Variants in NR6A1 observed in about 807,000 individuals in gnomAD.
The protein encoded by NR6A1 is nuclear receptor subfamily 6 group A member 1.
Under a neutral mutation model 59.1 loss-of-function variants are expected in NR6A1, and 7 were observed. That is an observed-to-expected ratio of 0.12 (90% CI 0.07 to 0.22). NR6A1 has a LOEUF of 0.22. Ranked by LOEUF, NR6A1 falls within the 10% of genes least tolerant of loss-of-function variation. The pLI, the probability that NR6A1 is intolerant of heterozygous loss-of-function variation, is 1.00. For synonymous variants in NR6A1, 243 were observed against 236.1 expected (o/e 1.03, Z -0.27); for missense variants, 468 against 611.6 (o/e 0.77, Z 2.48).
intron 2 of NR6A1, among the ~76,000 whole-genome samples, chr9:124,732,703 T>G (rs1156821847): frequency 6.6e-6 from 1 of 152,174 alleles, no homozygotes; most frequent in Non-Finnish European, 1.5e-5. Flanking sequence ...ACGAATTTTT[T>G]TTTTTTTTTT....
intron 2 of NR6A1, among the ~76,000 whole-genome samples, chr9:124,590,221 A>AT (rs1000513765): frequency 1.6e-4 from 24 of 152,140 alleles, no homozygotes; most frequent in African/African-American, 5.8e-4. Flanking sequence ...CTCTCTCTAC[A>AT]TTTTTGCCAA....
At chr9:124,682,500 G>A (rs1182339929) in intron 2 of NR6A1, among the ~76,000 whole-genome samples, 1 of 152,064 alleles carries the variant, frequency 6.6e-6, no homozygotes, top group Admixed American at 6.5e-5. Context: ...CCTTTATGAA[G>A]TCAGACATTA....
At chr9:124,748,691 T>G (rs1840406376) in intron 1 of NR6A1, among the ~76,000 whole-genome samples, 1 of 151,200 alleles carries the variant, frequency 6.6e-6, no homozygotes, top group African/African-American at 2.4e-5. Flanking sequence ...AAACCCCGTC[T>G]CTATTAAAAA....
chr9:124,573,356 C>T (rs905380348), intron 2 of NR6A1, among the ~76,000 whole-genome samples: 6 of 152,198 alleles, frequency 3.9e-5, no homozygotes, highest in African/African-American at 9.7e-5. Context: ...ATAAGTAAGG[C>T]ATTCACTACC....
chr9:124,553,549 C>CTTTTTTTTTTTTTTTTGTTTTTT (rs1833841050), intron 3 of NR6A1, among the ~76,000 whole-genome samples: 1 of 47,324 alleles, frequency 2.1e-5, no homozygotes, highest in African/African-American at 7.8e-5. Flanking sequence ...TTTAGCTTGA[C>CTTTTTTTTTTTTTTTTGTTTTTT]TTTTTTTTTT....
At position 124,541,826 on chromosome 9, in the gene NR6A1, C is replaced by T. The variant is rs574849144; in HGVS notation, c.442-1639G>A. On this transcript the variant is annotated intron_variant, in intron 4 of 9. Transcript: ENST00000487099. ...ATGCATAAAGAAAATGTGATATATA[C>T]ATAAAACACCTTAAAAAAGAGGAAA... Among the ~76,000 whole-genome samples the T allele has an allele frequency of 4.6e-5, 7 of 152,256 alleles. 1 individual carries two copies. In the South Asian group the frequency reaches 1.4e-3, roughly 31 times the overall value.
intron 2 of NR6A1, among the ~76,000 whole-genome samples, chr9:124,601,440 C>T (rs577744414): frequency 9.9e-5 from 15 of 151,400 alleles, no homozygotes; most frequent in Admixed American, 2.0e-4. Context: ...AAAGATTAGC[C>T]GGGCGTCATG....
chr9:124,732,692 T>C (rs1190037630), intron 2 of NR6A1, among the ~76,000 whole-genome samples: 1 of 151,952 alleles, frequency 6.6e-6, no homozygotes. Context: ...TAAATGCAAG[T>C]ACGAATTTTT....
chr9:124,549,912 G>A (rs1833719178), intron 3 of NR6A1, among the ~76,000 whole-genome samples: 1 of 152,128 alleles, frequency 6.6e-6, no homozygotes, highest in South Asian at 2.1e-4. Context: ...ACAATCCAGG[G>A]GCCCACATTG....
At chr9:124,537,850 G>A (rs1204698899) in intron 6 of NR6A1, among the ~76,000 whole-genome samples, 2 of 152,086 alleles carry the variant, frequency 1.3e-5, no homozygotes, top group South Asian at 2.1e-4. Flanking sequence ...AGAATCAAAG[G>A]CCCTTCTATC....
At chr9:124,728,744 G>C (rs1839800291) in intron 2 of NR6A1, among the ~76,000 whole-genome samples, 1 of 151,744 alleles carries the variant, frequency 6.6e-6, no homozygotes. Flanking sequence ...GTTTTTACTA[G>C]TTCACAGGGT....
At chr9:124,565,391 C>T (rs903855439) in intron 2 of NR6A1, among the ~76,000 whole-genome samples, 9 of 152,110 alleles carry the variant, frequency 5.9e-5, no homozygotes, top group African/African-American at 2.2e-4. Context: ...CGTGCCACTG[C>T]ACTCCAGCCT....
intron 2 of NR6A1, among the ~76,000 whole-genome samples, chr9:124,654,045 G>T (rs1400331957): frequency 6.6e-6 from 1 of 152,180 alleles, no homozygotes; most frequent in Non-Finnish European, 1.5e-5. Context: ...TGAAAATGCT[G>T]GAAGAAGCTC....
chr9:124,663,313 G>A (rs904500400), intron 2 of NR6A1, among the ~76,000 whole-genome samples: 5 of 152,178 alleles, frequency 3.3e-5, no homozygotes, highest in Non-Finnish European at 5.9e-5. Flanking sequence ...TAAATTGGAC[G>A]TGATAAACAT....
chr9:124,709,219 T>C (rs903754437), intron 2 of NR6A1, among the ~76,000 whole-genome samples: 2 of 152,232 alleles, frequency 1.3e-5, no homozygotes, highest in African/African-American at 4.8e-5. Flanking sequence ...GCCTATTTCC[T>C]GACTGAAGTA....
At chr9:124,567,658 C>T (rs1279323353) in intron 2 of NR6A1, among the ~76,000 whole-genome samples, 1 of 151,976 alleles carries the variant, frequency 6.6e-6, no homozygotes, top group Non-Finnish European at 1.5e-5. Flanking sequence ...GCTCAAAGGT[C>T]ACTATTGAGA....
intron 2 of NR6A1, among the ~76,000 whole-genome samples, chr9:124,569,100 A>G (rs922492239): frequency 2.6e-5 from 4 of 152,098 alleles, no homozygotes; most frequent in Non-Finnish European, 4.4e-5. Flanking sequence ...GTGACAGAGC[A>G]AGACTCCATC....
intron 2 of NR6A1, among the ~76,000 whole-genome samples, chr9:124,681,810 T>C (rs907404929): frequency 1.3e-5 from 2 of 152,126 alleles, no homozygotes; most frequent in African/African-American, 4.8e-5. Context: ...TCCGCATAAC[T>C]CAGTGAACAA....
intron 2 of NR6A1, among the ~76,000 whole-genome samples, chr9:124,712,825 A>G (rs1839316677): frequency 6.6e-6 from 1 of 152,212 alleles, no homozygotes; most frequent in South Asian, 2.1e-4. Context: ...AATTCACCAT[A>G]TTAAGTCTAA....
Sources: gnomAD v4.1 joint callset for allele counts (sites outside exome capture counted in the v4.1 genomes callset) on GRCh38, gnomAD v4.1.1 for gene constraint, MANE v1.5 for transcripts, NCBI Gene and HGNC (gene_info 2026-07-23, HGNC 2026-07-21) for gene names.